IQGAP2: variants seen among roughly 807,000 people sequenced by gnomAD.
IQGAP2 encodes the protein ras GTPase-activating-like protein IQGAP2.
IQGAP2 carries 173 observed loss-of-function variants against 201.3 expected under a neutral mutation model. That is an observed-to-expected ratio of 0.86 (90% CI 0.76 to 0.98). The LOEUF is 0.98. Ranked by LOEUF, IQGAP2 falls within the 50% of genes least tolerant of loss-of-function variation. IQGAP2 has a pLI of 0.00. For synonymous variants in IQGAP2, 675 were observed against 673.9 expected (o/e 1.00, Z -0.03); for missense variants, 1,687 against 1,864.8 (o/e 0.90, Z 1.76).
chr5:76,428,376 G>A (rs1193299246), intron 1 of IQGAP2, among the ~76,000 whole-genome samples: 1 of 152,068 alleles, frequency 6.6e-6, no homozygotes, highest in Non-Finnish European at 1.5e-5. Context: ...TAATGCAAAG[G>A]AAGATGGGGA....
At chr5:76,441,910 A>G (rs1753064882) in intron 1 of IQGAP2, among the ~76,000 whole-genome samples, 1 of 152,128 alleles carries the variant, frequency 6.6e-6, no homozygotes, top group Admixed American at 6.6e-5. Context: ...GGAAAATGGT[A>G]CTCAGCTTTT....
chr5:76,674,818 G>T, intron 27 of IQGAP2, 109 bp downstream of exon 27: 1 of 756,824 alleles, frequency 1.3e-6, no homozygotes, highest in South Asian at 1.7e-5. Context: ...ACCCCAGGTG[G>T]TTACAAGCAT....
chr5:76,686,344 TTG>T (rs1561592669), intron 30 of IQGAP2, among the ~76,000 whole-genome samples: 72 of 98,208 alleles, frequency 7.3e-4, no homozygotes, highest in African/African-American at 2.2e-3. Flanking sequence ...GTTTTTTTTG[TTG>T]TTGTTGTTGT....
At chr5:76,418,425 C>T (rs6453219) in intron 1 of IQGAP2, among the ~76,000 whole-genome samples, 13,127 of 151,746 alleles carry the variant, frequency 0.087, 969 homozygotes, top group African/African-American at 0.19. Context: ...AGGCTGGACC[C>T]GGTGGCTCAC....
intron 27 of IQGAP2, 89 bp downstream of exon 27, chr5:76,674,798 G>C: frequency 2.1e-6 from 2 of 949,918 alleles, no homozygotes; most frequent in Non-Finnish European, 3.3e-6. Context: ...AGTGGGCATG[G>C]AGGACAGGAA....
At chr5:76,441,515 T>TG (rs1450045283) in intron 1 of IQGAP2, 1 of 985,234 alleles carries the variant, frequency 1.0e-6, no homozygotes, top group Non-Finnish European at 1.2e-6. Flanking sequence ...GCGAGCATGT[T>TG]GGTAAGAGAA....
At chr5:76,427,346 C>T (rs1172085097) in intron 1 of IQGAP2, among the ~76,000 whole-genome samples, 1 of 152,098 alleles carries the variant, frequency 6.6e-6, no homozygotes, top group South Asian at 2.1e-4. Context: ...TTTACTGGAC[C>T]AATTAGTGTT....
At position 76,592,851 on chromosome 5, in the gene IQGAP2, C is replaced by T; in HGVS notation, c.833C>T (p.Ser278Leu). The change falls in exon 9 of 36, where the codon TCA becomes TTA. Residue 278 changes from serine to leucine, a missense_variant. Coordinates refer to ENST00000274364, the MANE Select transcript of IQGAP2 (RefSeq NM_006633.5). ...ENARLKNSCI[S>L]EEERDAYEEL... ...TTTGTTTTGCAGAATAGCTGTATTT[C>T]AGAAGAAGAAAGAGATGCTTATGAA... 6.2e-7 allele frequency: 1 copy of T among 1,608,696 alleles called. No homozygotes were observed. Among genetic ancestry groups the T allele is most frequent in the Non-Finnish European group, 8.5e-7 (1 of 1,175,370 alleles).
chr5:76,686,334 G>GTTTT (rs143998388), intron 30 of IQGAP2, among the ~76,000 whole-genome samples: 9 of 129,528 alleles, frequency 6.9e-5, no homozygotes, highest in African/African-American at 9.4e-5. Context: ...CAGTTTATCT[G>GTTTT]TTTTTTTTGT....
At chr5:76,623,129 C>T (rs2150367318) in intron 13 of IQGAP2, 1 of 1,600,080 alleles carries the variant, frequency 6.2e-7, no homozygotes, top group East Asian at 2.2e-5. Flanking sequence ...GTAACAGAAA[C>T]CCACATCCCC....
At chr5:76,567,353 C>A (rs1040679571) in intron 3 of IQGAP2, among the ~76,000 whole-genome samples, 1 of 152,230 alleles carries the variant, frequency 6.6e-6, no homozygotes, top group African/African-American at 2.4e-5. Context: ...GATGCTTAGT[C>A]AGTATGTCTG....
chr5:76,672,798 A>T lies in IQGAP2; in HGVS notation c.3069-651A>T, dbSNP rs3776774. On this transcript the variant is annotated intron_variant, in intron 24 of 35. Transcript: ENST00000274364. ...CACAGAGGAGATTGGACAGTTATGC[A>T]CTAAGGTATGAAAATTGGTTGTCCC... 2.6e-5 allele frequency among the ~76,000 whole-genome samples: 4 copies of T among 152,002 alleles called. No individual in the cohort carries two copies. In the East Asian group the frequency reaches 7.8e-4, roughly 29 times the overall value.
intron 2 of IQGAP2, among the ~76,000 whole-genome samples, chr5:76,525,570 A>G (rs1008155175): frequency 2.0e-5 from 3 of 151,882 alleles, no homozygotes; most frequent in African/African-American, 7.2e-5. Flanking sequence ...CAAAATGGAA[A>G]GAGAGGTAGG....
chr5:76,440,261 A>G (rs906587947), intron 1 of IQGAP2, among the ~76,000 whole-genome samples: 1 of 152,192 alleles, frequency 6.6e-6, no homozygotes, highest in Admixed American at 6.5e-5. Flanking sequence ...GTGTTGGTTC[A>G]TGCCTGTAAT....
chr5:76,444,330 C>T (rs551789075), intron 1 of IQGAP2, among the ~76,000 whole-genome samples: 2 of 152,280 alleles, frequency 1.3e-5, no homozygotes, highest in African/African-American at 4.8e-5. Flanking sequence ...TGGAGTTTCA[C>T]TCTCGTCACC....
At chr5:76,588,331 T>A (rs1001674677) in intron 5 of IQGAP2, among the ~76,000 whole-genome samples, 8 of 152,216 alleles carry the variant, frequency 5.3e-5, no homozygotes, top group African/African-American at 1.9e-4. Context: ...CATTACTACC[T>A]TATGGATTTG....
intron 15 of IQGAP2, among the ~76,000 whole-genome samples, chr5:76,632,686 A>G (rs1309427819): frequency 6.6e-6 from 1 of 152,178 alleles, no homozygotes; most frequent in African/African-American, 2.4e-5. Context: ...TCCTAGTGTC[A>G]AGGATCAAGG....
chr5:76,574,545 G>A (rs55699952), intron 4 of IQGAP2, among the ~76,000 whole-genome samples: 10,794 of 152,232 alleles, frequency 0.071, 813 homozygotes, highest in East Asian at 0.43. Flanking sequence ...TTGGGATTAT[G>A]GGCGTGAGCC....
chr5:76,603,139 T>C (rs1236349103), intron 11 of IQGAP2, among the ~76,000 whole-genome samples: 1 of 152,226 alleles, frequency 6.6e-6, no homozygotes, highest in Non-Finnish European at 1.5e-5. Context: ...TATTTTGTGC[T>C]TTAGCCAAGT....
Sources: gnomAD v4.1 joint callset for allele counts (sites outside exome capture counted in the v4.1 genomes callset) on GRCh38, gnomAD v4.1.1 for gene constraint, MANE v1.5 for transcripts, NCBI Gene and HGNC (gene_info 2026-07-23, HGNC 2026-07-21) for gene names.